SLC17A5: variants seen among roughly 807,000 people sequenced by gnomAD.
SLC17A5 encodes the protein solute carrier family 17 member 5.
In SLC17A5, 47 loss-of-function variants were observed where a neutral mutation model predicts 59.4. The ratio of observed to expected loss-of-function variants is 0.79; its 90% CI spans 0.63 to 1.01. The LOEUF is 1.01. Ranked by LOEUF, SLC17A5 falls within the 50% of genes least tolerant of loss-of-function variation. SLC17A5 has a pLI of 0.00. For synonymous variants in SLC17A5, 202 were observed against 210.7 expected (o/e 0.96, Z 0.36); for missense variants, 522 against 595.5 (o/e 0.88, Z 1.28).
At position 73,593,658 on chromosome 6, in the gene SLC17A5, G is replaced by T. The variant is rs1238526566; in HGVS notation, c.*1419C>A. ...GTAAAGATGATTACCCTAGTCTCAG[G>T]TGATGTGGCCTTTAAAAGTCACTTT... On this transcript the variant is annotated 3_prime_UTR_variant, in exon 11 of 11. Transcript: ENST00000355773. 6.6e-6 allele frequency: 1 copy of T among 152,180 alleles called. No individual in the cohort carries two copies. Among genetic ancestry groups the T allele is most frequent in the Non-Finnish European group, 1.5e-5 (1 of 68,038 alleles). 9.4% of individuals were successfully genotyped at this position (152,180 alleles called of 1,614,324 possible). A position where few individuals can be genotyped will look rare whatever the true frequency, so the allele number is the denominator to read the frequency against.
rs991945414 is a variant in SLC17A5 at position 73,617,162 on chromosome 6, A to C, written c.979-1715T>G. Among the ~76,000 whole-genome samples the C allele has an allele frequency of 4.6e-5, 7 of 152,102 alleles. No individual in the cohort carries two copies. The East Asian group carries it at 1.4e-3, about 30-fold the overall frequency. ...AAAAATTAGCTGGGCATCATGATACATGACTGTAATCCCAGTTACTTGGGA... is the reference window on the plus strand; with the variant it reads ...AAAAATTAGCTGGGCATCATGATACCTGACTGTAATCCCAGTTACTTGGGA... On this transcript the variant is annotated intron_variant, in intron 7 of 10. Transcript: ENST00000355773.
intron 2 of SLC17A5, among the ~76,000 whole-genome samples, chr6:73,643,303 G>A (rs1201686794): frequency 2.0e-5 from 3 of 151,210 alleles, no homozygotes; most frequent in Non-Finnish European, 2.9e-5. Context: ...TGGGACCACA[G>A]GCGCCCACCA....
intron 9 of SLC17A5, 65 bp from the exon 10 acceptor site, chr6:73,600,506 T>TTA: frequency 2.7e-6 from 3 of 1,121,236 alleles, no homozygotes; most frequent in Non-Finnish European, 3.8e-6. Context: ...CATTCTTTCC[T>TTA]TCTTTTTTTT....
chr6:73,620,732 T>C (rs1768101540), intron 7 of SLC17A5, among the ~76,000 whole-genome samples: 1 of 152,076 alleles, frequency 6.6e-6, no homozygotes, highest in South Asian at 2.1e-4. Context: ...ATTTTTTTTT[T>C]TTTTCCTGGG....
intron 7 of SLC17A5, among the ~76,000 whole-genome samples, chr6:73,619,329 T>A (rs1374301455): frequency 6.6e-6 from 1 of 151,104 alleles, no homozygotes; most frequent in African/African-American, 2.4e-5. Flanking sequence ...TTGCAGAGTA[T>A]AATAAAGCAA....
chr6:73,627,117 G>A (rs567564882), intron 6 of SLC17A5, among the ~76,000 whole-genome samples: 117 of 143,466 alleles, frequency 8.2e-4, no homozygotes, highest in Non-Finnish European at 1.5e-3. Flanking sequence ...TCGCTCTGTC[G>A]CCAGGCTGGA....
intron 9 of SLC17A5, among the ~76,000 whole-genome samples, chr6:73,608,144 T>G (rs1767481609): frequency 6.6e-6 from 1 of 152,120 alleles, no homozygotes; most frequent in South Asian, 2.1e-4. Flanking sequence ...TTCCTCAGCA[T>G]CCATTCCCAC....
At chr6:73,611,494 G>A (rs1741892) in intron 8 of SLC17A5, among the ~76,000 whole-genome samples, 3,441 of 151,914 alleles carry the variant, frequency 0.023, 49 homozygotes, top group African/African-American at 0.037. Context: ...TGGCCAGGCC[G>A]TTCTCGAACT....
At chr6:73,622,113 A>T in intron 6 of SLC17A5, 151 bp from the exon 7 acceptor site, 1 of 675,966 alleles carries the variant, frequency 1.5e-6, no homozygotes, top group Non-Finnish European at 2.6e-6. Flanking sequence ...TGAAATATTA[A>T]ATAGCAAAAT....
intron 6 of SLC17A5, among the ~76,000 whole-genome samples, chr6:73,626,850 C>T (rs1215860979): frequency 6.6e-6 from 1 of 152,182 alleles, no homozygotes; most frequent in Non-Finnish European, 1.5e-5. Flanking sequence ...CGGCTCACTA[C>T]AACCTCCGCC....
chr6:73,627,060 C>T lies in SLC17A5; in HGVS notation c.820-5098G>A, dbSNP rs183706390. ...GTGCTGGGATTACAGGCGTGAGCCA[C>T]CACGCCTGGCCAGAACTAATTTTTT... On this transcript the variant is annotated intron_variant, in intron 6 of 10. Transcript: ENST00000355773. Among the ~76,000 whole-genome samples the T allele has an allele frequency of 5.9e-3, 888 of 151,188 alleles. 6 individuals are homozygous for T. The highest frequency in any genetic ancestry group is 0.01 in the South Asian group (50 of 4,802).
intron 3 of SLC17A5, 71 bp from the exon 4 acceptor site, chr6:73,638,570 G>C: frequency 8.2e-7 from 1 of 1,214,212 alleles, no homozygotes; most frequent in Non-Finnish European, 1.2e-6. Context: ...AGTAAGTTAA[G>C]TATTTTGCTA....
At chr6:73,628,067 G>A (rs549192718) in intron 6 of SLC17A5, among the ~76,000 whole-genome samples, 161 of 152,126 alleles carry the variant, frequency 1.1e-3, no homozygotes, top group Non-Finnish European at 1.8e-3. Flanking sequence ...CTACAGGCAT[G>A]TGCCACCACA....
chr6:73,620,048 C>A (rs373664483), intron 7 of SLC17A5, among the ~76,000 whole-genome samples: 2 of 151,212 alleles, frequency 1.3e-5, no homozygotes, highest in African/African-American at 2.4e-5. Context: ...TTCAGCCTCT[C>A]GAGTAGCTAG....
chr6:73,634,055 A>G lies in SLC17A5; in HGVS notation c.819+1327T>C, dbSNP rs541170912. Among the ~76,000 whole-genome samples, 3 of 152,190 alleles carry G rather than the reference A, an allele frequency of 2.0e-5. No homozygotes were observed. In the South Asian group the frequency reaches 6.2e-4, roughly 31 times the overall value. ...TGTTTTTATGTTCTTCTTTTATTCT[A>G]CTCAAAAGGCAAACATTTTGTTTCC... On this transcript the variant is annotated intron_variant, in intron 6 of 10. Coordinates refer to ENST00000355773, the MANE Select transcript of SLC17A5 (RefSeq NM_012434.5).
At chr6:73,602,513 G>A (rs929180637) in intron 9 of SLC17A5, among the ~76,000 whole-genome samples, 1 of 152,172 alleles carries the variant, frequency 6.6e-6, no homozygotes, top group East Asian at 1.9e-4. Flanking sequence ...GGTGGCTCAC[G>A]CTTGTAATCC....
At chr6:73,636,182 T>C (rs185413795) in intron 5 of SLC17A5, among the ~76,000 whole-genome samples, 1 of 152,268 alleles carries the variant, frequency 6.6e-6, no homozygotes, top group East Asian at 1.9e-4. Flanking sequence ...TGCAGATATA[T>C]TTCTTGCATG....
chr6:73,600,783 G>A (rs560141940), intron 9 of SLC17A5, among the ~76,000 whole-genome samples: 2 of 152,264 alleles, frequency 1.3e-5, no homozygotes, highest in African/African-American at 4.8e-5. Context: ...TTTCAAGTAT[G>A]AGCCACAGCG....
chr6:73,612,114 G>C (rs1158475618), intron 8 of SLC17A5, among the ~76,000 whole-genome samples: 1 of 152,054 alleles, frequency 6.6e-6, no homozygotes, highest in Non-Finnish European at 1.5e-5. Context: ...CCAGGTGTAA[G>C]CAAGTCTTGT....
Sources: gnomAD v4.1 joint callset for allele counts (sites outside exome capture counted in the v4.1 genomes callset) on GRCh38, gnomAD v4.1.1 for gene constraint, MANE v1.5 for transcripts, NCBI Gene and HGNC (gene_info 2026-07-23, HGNC 2026-07-21) for gene names.